ADAMTS12: variants seen among roughly 807,000 people sequenced by gnomAD.
ADAMTS12 encodes A disintegrin and metalloproteinase with thrombospondin motifs 12.
A neutral mutation model predicts 167.8 loss-of-function variants in ADAMTS12; 118 were observed. The ratio of observed to expected loss-of-function variants is 0.70; its 90% CI spans 0.61 to 0.82. The LOEUF is 0.82. Among genes scored for constraint, ADAMTS12 ranks in the 40% least tolerant of loss-of-function variants. The pLI, the probability that ADAMTS12 is intolerant of heterozygous loss-of-function variation, is 0.00. For missense variants in ADAMTS12, 1,916 were observed against 1,998.8 expected (o/e 0.96, Z 0.79); for synonymous variants, 704 against 716.9 (o/e 0.98, Z 0.29).
intron 5 of ADAMTS12, among the ~76,000 whole-genome samples, chr5:33,665,918 G>A (rs971516809): frequency 1.3e-5 from 2 of 152,160 alleles, no homozygotes; most frequent in Non-Finnish European, 2.9e-5. Flanking sequence ...TCACACTTCG[G>A]CTACAACAGG....
chr5:33,838,763 A>G (rs1200147499), intron 2 of ADAMTS12, among the ~76,000 whole-genome samples: 1 of 152,070 alleles, frequency 6.6e-6, no homozygotes, highest in African/African-American at 2.4e-5. Flanking sequence ...TGGAGCAGAG[A>G]AGAGGACCTG....
At chr5:33,706,471 G>T (rs1365460175) in intron 3 of ADAMTS12, among the ~76,000 whole-genome samples, 2 of 151,978 alleles carry the variant, frequency 1.3e-5, no homozygotes, top group South Asian at 2.1e-4. Context: ...CGTCTTTTTT[G>T]ATCTTTGTTG....
chr5:33,553,289 T>C (rs1448706788), intron 20 of ADAMTS12, among the ~76,000 whole-genome samples: 1 of 152,196 alleles, frequency 6.6e-6, no homozygotes, highest in East Asian at 1.9e-4. Context: ...AGTTCAGCCA[T>C]TGTGAAAGAC....
At chr5:33,790,712 T>TA (rs1746527657) in intron 2 of ADAMTS12, among the ~76,000 whole-genome samples, 1 of 148,868 alleles carries the variant, frequency 6.7e-6, no homozygotes, top group Admixed American at 6.7e-5. Context: ...TGTGTGCACA[T>TA]AGAGATTCAG....
rs779177097 is a variant in ADAMTS12 at position 33,648,811 on chromosome 5, G to A, written c.1479+11C>T. On this transcript the variant is annotated intron_variant, in intron 9 of 23. Coordinates refer to ENST00000504830, the MANE Select transcript of ADAMTS12 (RefSeq NM_030955.4). ...GAAGCCCTGCATATAGCCACCAAGA[G>A]GTACACTTACTTCTACTTCCTGGCA... The A allele has an allele frequency of 1.2e-6, 2 of 1,613,826 alleles. No individual in the cohort carries two copies. Among genetic ancestry groups the A allele is most frequent in the Non-Finnish European group, 1.7e-6 (2 of 1,179,828 alleles).
Position 33,576,386 on chromosome 5 carries a change from T to G in ADAMTS12, c.3640A>C (p.Ser1214Arg), listed in dbSNP as rs995232812. 4 of 1,614,178 alleles carry G rather than the reference T, an allele frequency of 2.5e-6. No homozygotes were observed. The highest frequency in any genetic ancestry group is 2.5e-6 in the Non-Finnish European group (3 of 1,180,002). Reference protein sequence around the residue: ...LSRESWWPPFSTVMEGLLPSQ... With the variant: ...LSRESWWPPFRTVMEGLLPSQ... ...GGGAGCAGTCCTTCCATTACTGTGCTGAAGGGTGGCCACCAGGACTCCCTG... is the reference window on the plus strand; with the variant it reads ...GGGAGCAGTCCTTCCATTACTGTGCGGAAGGGTGGCCACCAGGACTCCCTG... The change falls in exon 19 of 24, where the codon AGC becomes CGC. Residue 1214 changes from serine (S) to arginine (R), a missense_variant. Coordinates refer to ENST00000504830, the MANE Select transcript of ADAMTS12 (RefSeq NM_030955.4).
At chr5:33,781,875 T>C (rs981659472) in intron 2 of ADAMTS12, among the ~76,000 whole-genome samples, 2 of 151,142 alleles carry the variant, frequency 1.3e-5, no homozygotes, top group African/African-American at 4.9e-5. Context: ...CAGAGTGTGA[T>C]GTTCCCCTTC....
intron 11 of ADAMTS12, 146 bp from the exon 12 acceptor site, chr5:33,637,892 AC>A (rs1740272121): frequency 2.4e-6 from 2 of 838,696 alleles, no homozygotes; most frequent in East Asian, 2.8e-5. Context: ...CAAATTTTAC[AC>A]ATTTTTTCCT....
intron 2 of ADAMTS12, among the ~76,000 whole-genome samples, chr5:33,775,600 G>T (rs888680644): frequency 8.5e-5 from 13 of 152,274 alleles, no homozygotes; most frequent in African/African-American, 2.4e-4. Flanking sequence ...AGCCATTAAA[G>T]AAAATACTTT....
intron 3 of ADAMTS12, among the ~76,000 whole-genome samples, chr5:33,691,169 TC>T (rs1742534569): frequency 6.6e-6 from 1 of 152,180 alleles, no homozygotes; most frequent in African/African-American, 2.4e-5. Context: ...CAGTTACATT[TC>T]ATGTAGGGTA....
intron 16 of ADAMTS12, among the ~76,000 whole-genome samples, chr5:33,606,295 T>C (rs989740661): frequency 2.0e-5 from 3 of 152,198 alleles, no homozygotes; most frequent in African/African-American, 7.2e-5. Flanking sequence ...AATAGGACTA[T>C]TTATTACTTA....
At chr5:33,728,978 A>G (rs1471686800) in intron 3 of ADAMTS12, among the ~76,000 whole-genome samples, 5 of 152,266 alleles carry the variant, frequency 3.3e-5, no homozygotes, top group Admixed American at 2.6e-4. Flanking sequence ...ATGCACATAC[A>G]TATATGTGTA....
Position 33,881,437 on chromosome 5 carries a change from T to G in ADAMTS12, c.171A>C (p.Pro57=). ...KGLPEYHVVG[P]VRVDASGHFL... is the part of the protein sequence containing the mutation. The stretch of plus-strand genomic sequence containing the variant: ...AATGCCCACTGGCATCTACTCGGAC[T>G]GGACCCACCACGTGGTATTCTGGCA... The change falls in exon 2 of 24, where the codon CCA becomes CCC. Residue 57 remains proline (P), a synonymous_variant. Transcript: ENST00000504830. 2 of 1,613,936 alleles carry G rather than the reference T, an allele frequency of 1.2e-6. No homozygotes were observed. Among genetic ancestry groups the G allele is most frequent in the Non-Finnish European group, 1.7e-6 (2 of 1,179,960 alleles).
intron 5 of ADAMTS12, among the ~76,000 whole-genome samples, chr5:33,667,304 T>G (rs4242086): frequency 0.87 from 119,705 of 137,360 alleles, 52,623 homozygotes; most frequent in Non-Finnish European, 0.94. Flanking sequence ...GGCAACAGAG[T>G]GAGACTCTGT....
At chr5:33,610,501 C>T (rs190806740) in intron 16 of ADAMTS12, among the ~76,000 whole-genome samples, 126 of 152,264 alleles carry the variant, frequency 8.3e-4, no homozygotes, top group African/African-American at 2.9e-3. Flanking sequence ...CTGTGTTTCC[C>T]TTTAACATTT....
At chr5:33,588,527 G>A in intron 18 of ADAMTS12, 72 bp downstream of exon 18, 1 of 1,567,298 alleles carries the variant, frequency 6.4e-7, no homozygotes, top group Non-Finnish European at 8.8e-7. Flanking sequence ...CTTTGGATTG[G>A]ATAATGAGAA....
intron 16 of ADAMTS12, among the ~76,000 whole-genome samples, chr5:33,600,520 G>A (rs1738136308): frequency 6.6e-6 from 1 of 152,086 alleles, no homozygotes; most frequent in Admixed American, 6.6e-5. Flanking sequence ...GATAAAACAA[G>A]TGAAGACATA....
chr5:33,874,049 T>G (rs1750135813), intron 2 of ADAMTS12, among the ~76,000 whole-genome samples: 1 of 152,138 alleles, frequency 6.6e-6, no homozygotes, highest in East Asian at 1.9e-4. Flanking sequence ...TCAAAGGAAT[T>G]ACCCATGAAA....
At chr5:33,699,171 T>C (rs1742898147) in intron 3 of ADAMTS12, among the ~76,000 whole-genome samples, 2 of 151,522 alleles carry the variant, frequency 1.3e-5, no homozygotes, top group African/African-American at 2.4e-5. Context: ...CAATAAAAAA[T>C]AAAAATAAAT....
Sources: allele counts gnomAD v4.1 joint callset (sites outside exome capture counted in the v4.1 genomes callset), GRCh38; gene constraint gnomAD v4.1.1; transcripts MANE v1.5; gene names NCBI Gene and HGNC (gene_info 2026-07-23, HGNC 2026-07-21).